IL6: variants seen among roughly 807,000 people sequenced by gnomAD.
IL6 encodes the protein interleukin-6.
A neutral mutation model predicts 18.0 loss-of-function variants in IL6; 5 were observed. The observed-to-expected ratio is 0.28, with a 90% CI of 0.15 to 0.58. The LOEUF is 0.58. IL6 is among the 20% of genes least tolerant of loss of function. The probability of loss-of-function intolerance (pLI) is 0.90; values close to 1 mark genes in which losing one functional copy is unlikely to be tolerated. For synonymous variants in IL6, 97 were observed against 95.1 expected (o/e 1.02, Z -0.12); for missense variants, 266 against 251.0 (o/e 1.06, Z -0.40).
intron 4 of IL6, 93 bp from the exon 5 acceptor site, chr7:22,731,313 A>G: frequency 3.9e-6 from 4 of 1,014,654 alleles, no homozygotes; most frequent in Non-Finnish European, 5.6e-6. Context: ...CACATTTCAC[A>G]TTTGAACATC....
chr7:22,727,765 C>A, intron 2 of IL6, 131 bp downstream of exon 2: 3 of 949,648 alleles, frequency 3.2e-6, no homozygotes, highest in South Asian at 3.6e-5. Context: ...TTGAGGCCAA[C>A]GGGGCCGACT....
chr7:22,729,810 T>C, intron 4 of IL6, 150 bp downstream of exon 4: 1 of 1,530,920 alleles, frequency 6.5e-7, no homozygotes, highest in East Asian at 2.5e-5. Context: ...ATTGTTATTG[T>C]TAAATCTTTT....
chr7:22,728,501 G>C (rs1784057927), intron 2 of IL6, 192 bp from the exon 3 acceptor site: 3 of 572,494 alleles, frequency 5.2e-6, no homozygotes, highest in South Asian at 4.6e-5. Context: ...CACACCTAAA[G>C]TCACAGGTGA....
At position 22,727,225 on chromosome 7, in the gene IL6, C is replaced by T. The variant is rs1784021731; in HGVS notation, c.-38C>T. The T allele has an allele frequency of 6.2e-7, 1 of 1,612,364 alleles. No individual in the cohort carries two copies. Among genetic ancestry groups the T allele is most frequent in the Non-Finnish European group, 8.5e-7 (1 of 1,179,642 alleles). Reference sequence around the variant, plus strand: ...ATTCTGCCCTCGAGCCCACCGGGAACGAAAGAGAAGCTCTATCTCCCCTCC... The same window carrying T: ...ATTCTGCCCTCGAGCCCACCGGGAATGAAAGAGAAGCTCTATCTCCCCTCC... On this transcript the variant is annotated 5_prime_UTR_variant, in exon 1 of 5. It adds an upstream start codon to the 5' untranslated region. Coordinates refer to ENST00000258743, the MANE Select transcript of IL6 (RefSeq NM_000600.5).
Position 22,727,622 on chromosome 7 carries a change from C to T in IL6, c.198C>T (p.Ala66=). ...GGTACATCCTCGACGGCATCTCAGC[C>T]CTGAGAAAGGAGGTGGGTAGGCTTG... ...QIRYILDGIS[A]LRKETCNKSN... The change falls in exon 2 of 5, where the codon GCC becomes GCT. Residue 66 remains alanine, a synonymous_variant. Coordinates refer to ENST00000258743, the MANE Select transcript of IL6 (RefSeq NM_000600.5). 6.5e-7 allele frequency: 1 copy of T among 1,548,194 alleles called. No individual in the cohort carries two copies. The highest frequency in any genetic ancestry group is 8.7e-7 in the Non-Finnish European group (1 of 1,148,054).
At chr7:22,728,835 T>C in intron 3 of IL6, 29 bp downstream of exon 3, 9 of 1,329,558 alleles carry the variant, frequency 6.8e-6, no homozygotes, top group Non-Finnish European at 8.7e-6. Flanking sequence ...CACTTTTCAC[T>C]ATTCCTTAGG....
intron 2 of IL6, among the ~76,000 whole-genome samples, chr7:22,727,988 G>C (rs1033362161): frequency 1.1e-4 from 17 of 152,160 alleles, no homozygotes; most frequent in Non-Finnish European, 2.1e-4. Flanking sequence ...CCACCTGAAA[G>C]GCATGTTCAG....
chr7:22,727,271 C>G lies in IL6; in HGVS notation c.9C>G (p.Ser3=). The G allele has an allele frequency of 6.2e-7, 1 of 1,613,908 alleles. No individual in the cohort carries two copies. Among genetic ancestry groups the G allele is most frequent in the Non-Finnish European group, 8.5e-7 (1 of 1,180,004 alleles). Residue 3 remains serine, a synonymous_variant, in exon 1 of 5, where the codon TCC becomes TCG. Coordinates refer to ENST00000258743, the MANE Select transcript of IL6 (RefSeq NM_000600.5). MN[S]FSTSAFGPVA... ...CCTCCAGGAGCCCAGCTATGAACTCCTTCTCCACAAGTAAGTGCAGGAAAT... is the reference window on the plus strand; with the variant it reads ...CCTCCAGGAGCCCAGCTATGAACTCGTTCTCCACAAGTAAGTGCAGGAAAT...
In IL6 at chr7:22,731,656, G is replaced by A; in HGVS notation, c.*83G>A. On this transcript the variant is annotated 3_prime_UTR_variant, in exon 5 of 5. Transcript: ENST00000258743. Reference sequence around the variant, plus strand: ...GTCCACTGGGCACAGAACTTATGTTGTTCTCTATGGAGAACTAAAAGTATG... The same window carrying A: ...GTCCACTGGGCACAGAACTTATGTTATTCTCTATGGAGAACTAAAAGTATG... 1 of 978,682 alleles carries A rather than the reference G, an allele frequency of 1.0e-6. No homozygotes were observed. 60.6% of individuals were successfully genotyped at this position (978,682 alleles called of 1,614,324 possible).
Position 22,731,449 on chromosome 7 carries a change from A to G in IL6, c.515A>G (p.Asn172Ser). ...DAITTPDPTTNASLLTKLQAQ... is the reference protein window; with the variant it reads ...DAITTPDPTTSASLLTKLQAQ... ...ATAACCACCCCTGACCCAACCACAA[A>G]TGCCAGCCTGCTGACGAAGCTGCAG... The change falls in exon 5 of 5, where the codon AAT becomes AGT. Residue 172 changes from asparagine (N) to serine (S), a missense_variant. Asn to Ser is a conservative substitution (Grantham distance 46). Transcript: ENST00000258743. 6.2e-7 allele frequency: 1 copy of G among 1,606,100 alleles called. No individual in the cohort carries two copies. Among genetic ancestry groups the G allele is most frequent in the South Asian group, 1.1e-5 (1 of 90,004 alleles).
Position 22,728,780 on chromosome 7 carries a change from G to A in IL6, c.298G>A (p.Gly100Arg), listed in dbSNP as rs1257406129. ...LNLPKMAEKD[G>R]CFQSGFNEET... Reference sequence around the variant, plus strand: ...CCTTCCAAAGATGGCTGAAAAAGATGGATGCTTCCAATCTGGATTCAATGA... The same window carrying A: ...CCTTCCAAAGATGGCTGAAAAAGATAGATGCTTCCAATCTGGATTCAATGA... Residue 100 changes from glycine to arginine, a missense_variant, in exon 3 of 5, where the codon GGA becomes AGA. Transcript: ENST00000258743. The A allele has an allele frequency of 2.5e-6, 4 of 1,611,072 alleles. No individual in the cohort carries two copies. The highest frequency in any genetic ancestry group is 4.5e-5 in the East Asian group (2 of 44,862).
chr7:22,731,563 G>A lies in IL6; in HGVS notation c.629G>A (p.Arg210Gln), dbSNP rs1326968679. 1 of 1,598,488 alleles carries A rather than the reference G, an allele frequency of 6.3e-7. No individual in the cohort carries two copies. Among genetic ancestry groups the A allele is most frequent in the Non-Finnish European group, 8.6e-7 (1 of 1,169,272 alleles). Residue 210 changes from arginine (R) to glutamine (Q), a missense_variant, in exon 5 of 5, where the codon CGG becomes CAG. Coordinates refer to ENST00000258743, the MANE Select transcript of IL6 (RefSeq NM_000600.5). Reference sequence around the variant, plus strand: ...CTGCAGTCCAGCCTGAGGGCTCTTCGGCAAATGTAGCATGGGCACCTCAGA... The same window carrying A: ...CTGCAGTCCAGCCTGAGGGCTCTTCAGCAAATGTAGCATGGGCACCTCAGA... ...EFLQSSLRAL[R>Q]QM
rs770150376 is a variant in IL6 at position 22,727,435 on chromosome 7, C to G, written c.20-9C>G. 6.2e-7 allele frequency: 1 copy of G among 1,613,818 alleles called. No homozygotes were observed. The highest frequency in any genetic ancestry group is 1.1e-5 in the South Asian group (1 of 91,066). On this transcript the variant is annotated splice_polypyrimidine_tract_variant and intron_variant, in intron 1 of 4. Transcript: ENST00000258743. ...AGCTCACCCCTGCGCTCGCTCCCCTCCGGCACAGGCGCCTTCGGTCCAGTT... is the reference window on the plus strand; with the variant it reads ...AGCTCACCCCTGCGCTCGCTCCCCTGCGGCACAGGCGCCTTCGGTCCAGTT...
rs139543282 is a variant in IL6, at chr7:22,730,638, T to G, written c.472-768T>G. Among the ~76,000 whole-genome samples, 6 of 152,336 alleles carry G rather than the reference T, an allele frequency of 3.9e-5. No homozygotes were observed. In the East Asian group the frequency reaches 1.2e-3, roughly 29 times the overall value. ...ACCCATATTAAAATGCCTTTAAGTA[T>G]GGGCTCTTCATTCATATACTAAATA... On this transcript the variant is annotated intron_variant, in intron 4 of 4. Coordinates refer to ENST00000258743, the MANE Select transcript of IL6 (RefSeq NM_000600.5).
rs2069857 is a variant in IL6, at chr7:22,727,215, C to A, written c.-48C>A. ...TCTGAGGCTCATTCTGCCCTCGAGC[C>A]CACCGGGAACGAAAGAGAAGCTCTA... On this transcript the variant is annotated 5_prime_UTR_variant, in exon 1 of 5. Transcript: ENST00000258743. 1.7e-3 allele frequency: 2,756 copies of A among 1,611,092 alleles called. 4 individuals are homozygous for A. The highest frequency in any genetic ancestry group is 1.8e-3 in the Non-Finnish European group (2,091 of 1,178,830).
chr7:22,727,556 A>C lies in IL6; in HGVS notation c.132A>C (p.Arg44Ser), dbSNP rs1397087240. 2 of 1,610,004 alleles carry C rather than the reference A, an allele frequency of 1.2e-6. No individual in the cohort carries two copies. The highest frequency in any genetic ancestry group is 1.7e-4 in the Middle Eastern group (1 of 6,028). ...CCAAAGATGTAGCCGCCCCACACAG[A>C]CAGCCACTCACCTCTTCAGAACGAA... is the stretch of plus-strand genomic sequence containing the variant. ...EDSKDVAAPH[R>S]QPLTSSERID... Residue 44 changes from arginine to serine, a missense_variant, in exon 2 of 5, where the codon AGA (arginine) becomes AGC (serine). Physicochemically the swap from Arg to Ser is moderately radical, Grantham distance 110 (BLOSUM62 -1). Coordinates refer to ENST00000258743, the MANE Select transcript of IL6 (RefSeq NM_000600.5).
rs185681377 is a variant in IL6, at chr7:22,729,956, G to A, written c.471+296G>A. ...ATTTAAAACCAAAGGCGGGGGGGCG[G>A]GCAGAAAAAAGTGCATCCAACTCCA... On this transcript the variant is annotated intron_variant, in intron 4 of 4. Transcript: ENST00000258743. The A allele has an allele frequency of 2.7e-5, 36 of 1,346,188 alleles. No individual in the cohort carries two copies. In the East Asian group the frequency reaches 5.3e-4, roughly 20 times the overall value. The allele number at this position is 1,346,188 out of a possible 1,614,324, so 83.4% of individuals were successfully genotyped here. A position where few individuals can be genotyped will look rare whatever the true frequency, so the allele number is the denominator to read the frequency against.
chr7:22,728,374 G>C (rs1332926320), intron 2 of IL6: 2 of 275,686 alleles, frequency 7.3e-6, no homozygotes, highest in East Asian at 6.9e-5. Flanking sequence ...CAAAATTGCT[G>C]TTATTAAGTA....
At chr7:22,729,969 G>A (rs1248271642) in intron 4 of IL6, 1 of 985,334 alleles carries the variant, frequency 1.0e-6, no homozygotes, top group Non-Finnish European at 1.2e-6. Flanking sequence ...AGAAAAAAGT[G>A]CATCCAACTC....
Sources: allele counts gnomAD v4.1 joint callset (sites outside exome capture counted in the v4.1 genomes callset), GRCh38; gene constraint gnomAD v4.1.1; transcripts MANE v1.5; gene names NCBI Gene and HGNC (gene_info 2026-07-23, HGNC 2026-07-21).